EYS: variants seen among roughly 807,000 people sequenced by gnomAD.
The protein encoded by EYS is protein eyes shut homolog.
In EYS, 250 loss-of-function variants were observed where a neutral mutation model predicts 282.1. The observed-to-expected ratio is 0.89, with a 90% confidence interval of 0.80 to 0.98. The LOEUF (loss-of-function observed/expected upper bound fraction) is 0.98, where lower values mean the gene tolerates loss of function less well. EYS is among the 50% of genes least tolerant of loss of function. The pLI, the probability that EYS is intolerant of heterozygous loss-of-function variation, is 0.00. For missense variants in EYS, 4,016 were observed against 3,709.0 expected, an observed-to-expected ratio of 1.08 and a Z score of -2.15; for synonymous variants, 1,355 against 1,282.9, an observed-to-expected ratio of 1.06 and a Z score of -1.20.
intron 14 of EYS, among the ~76,000 whole-genome samples, chr6:64,970,163 T>A (rs932907002): frequency 6.6e-5 from 10 of 150,888 alleles, no homozygotes; most frequent in Non-Finnish European, 1.0e-4. Flanking sequence ...AAAAAAGTTG[T>A]GAAAAAGTTA....
intron 30 of EYS, among the ~76,000 whole-genome samples, chr6:64,294,033 C>A (rs1046685122): frequency 1.3e-5 from 2 of 152,018 alleles, no homozygotes; most frequent in African/African-American, 4.8e-5. Context: ...ATTAAGAACA[C>A]AGGTGAAACA....
At chr6:65,440,142 G>A (rs1649560412) in intron 5 of EYS, among the ~76,000 whole-genome samples, 1 of 152,006 alleles carries the variant, frequency 6.6e-6, no homozygotes, top group Admixed American at 6.6e-5. Flanking sequence ...AAATACAGAT[G>A]AGCTTAAAAT....
intron 12 of EYS, among the ~76,000 whole-genome samples, chr6:65,141,681 A>T (rs1764348698): frequency 6.6e-6 from 1 of 151,472 alleles, no homozygotes; most frequent in African/African-American, 2.4e-5. Context: ...CTATCTATCT[A>T]TCTATCTAGA....
intron 22 of EYS, among the ~76,000 whole-genome samples, chr6:64,715,212 G>GT (rs1239591525): frequency 3.9e-5 from 6 of 152,152 alleles, no homozygotes; most frequent in Admixed American, 3.9e-4. Flanking sequence ...TGTAGAATCA[G>GT]TGGGAGCCTT....
intron 22 of EYS, among the ~76,000 whole-genome samples, chr6:64,741,300 G>C (rs1222598429): frequency 6.6e-6 from 1 of 152,070 alleles, no homozygotes; most frequent in South Asian, 2.1e-4. Flanking sequence ...TTTCTGCTCA[G>C]TAAGTCTGAA....
At chr6:64,964,871 A>G (rs895609164) in intron 14 of EYS, among the ~76,000 whole-genome samples, 16 of 151,898 alleles carry the variant, frequency 1.1e-4, no homozygotes, top group African/African-American at 3.4e-4. Flanking sequence ...CATCTCTACT[A>G]AAAATACAAA....
Position 65,195,478 on chromosome 6 carries a change from T to C in EYS, c.2023+100385A>G, listed in dbSNP as rs565459103. On this transcript the variant is annotated intron_variant, in intron 12 of 42. Coordinates refer to ENST00000503581, the MANE Select transcript of EYS (RefSeq NM_001142800.2). ...ATCAAGTTAACATACAATTTCATTG[T>C]CATATTGCATACTTCCTTTTCCCTT... 2.0e-5 allele frequency among the ~76,000 whole-genome samples: 3 copies of C among 152,202 alleles called. No homozygotes were observed. In the East Asian group the frequency reaches 5.8e-4, roughly 29 times the overall value.
chr6:63,793,978 G>T (rs1374571961), intron 37 of EYS, among the ~76,000 whole-genome samples: 2 of 152,208 alleles, frequency 1.3e-5, no homozygotes, highest in Non-Finnish European at 2.9e-5. Context: ...GGTGGAGTCT[G>T]AGTCTGAAGA....
At chr6:64,161,848 C>A (rs1170651956) in intron 31 of EYS, among the ~76,000 whole-genome samples, 1 of 152,082 alleles carries the variant, frequency 6.6e-6, no homozygotes, top group African/African-American at 2.4e-5. Flanking sequence ...AGGATTTCTC[C>A]ATTTACTGTA....
At chr6:63,914,193 C>G (rs1327564047) in intron 35 of EYS, among the ~76,000 whole-genome samples, 4 of 152,050 alleles carry the variant, frequency 2.6e-5, no homozygotes, top group Non-Finnish European at 5.9e-5. Flanking sequence ...AATTAATAAC[C>G]CTACAATGAC....
At chr6:64,284,011 T>G (rs1768402691) in intron 30 of EYS, among the ~76,000 whole-genome samples, 1 of 152,090 alleles carries the variant, frequency 6.6e-6, no homozygotes, top group African/African-American at 2.4e-5. Context: ...CCAAACCATA[T>G]CATTCCACCC....
chr6:63,836,318 G>A (rs1771803813), intron 36 of EYS, among the ~76,000 whole-genome samples: 1 of 151,866 alleles, frequency 6.6e-6, no homozygotes, highest in Admixed American at 6.6e-5. Flanking sequence ...TTAGGTGAAT[G>A]TAAAATTTGC....
At chr6:65,359,949 A>G (rs1446323465) in intron 8 of EYS, among the ~76,000 whole-genome samples, 1 of 151,994 alleles carries the variant, frequency 6.6e-6, no homozygotes, top group Non-Finnish European at 1.5e-5. Context: ...CAATTCTCAC[A>G]GGTCTAAGAC....
chr6:64,907,256 A>T (rs1402351767), intron 16 of EYS, among the ~76,000 whole-genome samples: 2 of 151,952 alleles, frequency 1.3e-5, no homozygotes, highest in Non-Finnish European at 2.9e-5. Context: ...TATTATGTTG[A>T]CCAAGCTGGT....
intron 27 of EYS, among the ~76,000 whole-genome samples, chr6:64,438,171 G>T (rs1774814331): frequency 1.3e-5 from 2 of 151,560 alleles, no homozygotes; most frequent in South Asian, 4.1e-4. Flanking sequence ...ACTTTTGAAA[G>T]GTTCTTATAA....
intron 29 of EYS, among the ~76,000 whole-genome samples, chr6:64,341,970 T>A (rs1195273651): frequency 6.6e-6 from 1 of 151,560 alleles, no homozygotes; most frequent in Non-Finnish European, 1.5e-5. Context: ...TAACAACAAA[T>A]AAGTAAACCA....
chr6:65,259,550 T>A (rs1269647416), intron 12 of EYS, among the ~76,000 whole-genome samples: 1 of 152,104 alleles, frequency 6.6e-6, no homozygotes, highest in African/African-American at 2.4e-5. Flanking sequence ...CACTTAAGAA[T>A]TACAACATTA....
At chr6:65,339,493 T>G (rs1188596176) in intron 10 of EYS, among the ~76,000 whole-genome samples, 2 of 151,254 alleles carry the variant, frequency 1.3e-5, no homozygotes, top group African/African-American at 4.8e-5. Flanking sequence ...TTAGTAATTG[T>G]TGTTAATCTC....
At chr6:63,982,347 G>C (rs1767139001) in intron 35 of EYS, among the ~76,000 whole-genome samples, 1 of 151,850 alleles carries the variant, frequency 6.6e-6, no homozygotes, top group African/African-American at 2.4e-5. Flanking sequence ...TCACATTGCA[G>C]TAAAGGTATG....
Sources: allele counts gnomAD v4.1 joint callset (sites outside exome capture counted in the v4.1 genomes callset), GRCh38; gene constraint gnomAD v4.1.1; transcripts MANE v1.5; gene names NCBI Gene and HGNC (gene_info 2026-07-23, HGNC 2026-07-21).